The following AGAP1 variants were observed in gnomAD, a reference collection of about 807,000 sequenced individuals.
The protein encoded by AGAP1 is ArfGAP with GTPase domain, ankyrin repeat and PH domain 1, also known as arf-GAP with GTPase, ANK repeat and PH domain-containing protein 1.
AGAP1 carries 29 observed loss-of-function variants against 105.3 expected under a neutral mutation model. That is an observed-to-expected ratio of 0.28 (90% CI 0.21 to 0.38). AGAP1 has a LOEUF of 0.38. AGAP1 is among the 10% of genes least tolerant of loss of function. AGAP1 has a pLI of 1.00. For missense variants in AGAP1, 998 were observed against 1,165.1 expected, an observed-to-expected ratio of 0.86 and a Z score of 2.09; for synonymous variants, 509 against 485.9, an observed-to-expected ratio of 1.05 and a Z score of -0.63.
At position 236,087,959 on chromosome 2, in the gene AGAP1, C is replaced by T. The variant is rs961649245; in HGVS notation, c.2115-32233C>T. On this transcript the variant is annotated intron_variant, in intron 16 of 17. Transcript: ENST00000304032. The surrounding 1 kb of genome is among the most constrained non-coding windows in gnomAD (Gnocchi z 5.7). ...ACAGCCAGGGGAGGGACAGGGAGGACGAGAGACCTGCTTGGTATCCTTGGC... is the reference window on the plus strand; with the variant it reads ...ACAGCCAGGGGAGGGACAGGGAGGATGAGAGACCTGCTTGGTATCCTTGGC... Among the ~76,000 whole-genome samples the T allele has an allele frequency of 3.9e-5, 6 of 152,156 alleles. No homozygotes were observed. Among genetic ancestry groups the T allele is most frequent in the Non-Finnish European group, 7.3e-5 (5 of 68,030 alleles).
chr2:235,503,242 C>T (rs963532384), intron 1 of AGAP1, among the ~76,000 whole-genome samples: 3 of 152,162 alleles, frequency 2.0e-5, no homozygotes, highest in African/African-American at 7.2e-5. Context: ...CCTGTTTGTG[C>T]GTTGAGCTGC....
chr2:235,631,329 C>T lies in AGAP1; in HGVS notation c.164-77850C>T, dbSNP rs371776801. ...AGTTCAACTGAAAAGTCAAGCATGGCGCAAGGAAGGACGATGGATTAGCCA... is the reference window on the plus strand; with the variant it reads ...AGTTCAACTGAAAAGTCAAGCATGGTGCAAGGAAGGACGATGGATTAGCCA... On this transcript the variant is annotated intron_variant, in intron 1 of 17. Coordinates refer to ENST00000304032, the MANE Select transcript of AGAP1 (RefSeq NM_001037131.3). The surrounding 1 kb of genome is among the most constrained non-coding windows in gnomAD (Gnocchi z 5.4). Among the ~76,000 whole-genome samples, 5 of 152,232 alleles carry T rather than the reference C, an allele frequency of 3.3e-5. No homozygotes were observed. Among genetic ancestry groups the T allele is most frequent in the East Asian group, 1.9e-4 (1 of 5,146 alleles).
chr2:235,568,479 CA>C (rs1034782860), intron 1 of AGAP1, among the ~76,000 whole-genome samples: 1 of 152,210 alleles, frequency 6.6e-6, no homozygotes, highest in African/African-American at 2.4e-5. Context: ...TAGCACTTAG[CA>C]TGTGGCGGGC....
rs529501117 is a variant in AGAP1 at position 235,953,564 on chromosome 2, G to T, written c.1484-14898G>T. ...TTTGTTTGTTCTTTGTGCTGCAGTG[G>T]TCTTACTTGGCAACTCCCTGTCTTG... On this transcript the variant is annotated intron_variant, in intron 12 of 17. Coordinates refer to ENST00000304032, the MANE Select transcript of AGAP1 (RefSeq NM_001037131.3). The surrounding 1 kb of genome is among the most constrained non-coding windows in gnomAD (Gnocchi z 5.2). Among the ~76,000 whole-genome samples the T allele has an allele frequency of 9.2e-5, 14 of 152,236 alleles. No individual in the cohort carries two copies. The highest frequency in any genetic ancestry group is 3.4e-4 in the African/African-American group (14 of 41,536).
At chr2:235,541,349 C>T (rs1943426914) in intron 1 of AGAP1, among the ~76,000 whole-genome samples, 1 of 149,680 alleles carries the variant, frequency 6.7e-6, no homozygotes, top group Non-Finnish European at 1.5e-5. Context: ...AATCTTCTGT[C>T]CATTATTTCC....
At position 235,977,359 on chromosome 2, in the gene AGAP1, A is replaced by C. The variant is rs1464077017; in HGVS notation, c.1645+8736A>C. Among the ~76,000 whole-genome samples, 1 of 152,128 alleles carries C rather than the reference A, an allele frequency of 6.6e-6. No homozygotes were observed. The highest frequency in any genetic ancestry group is 1.5e-5 in the Non-Finnish European group (1 of 68,024). On this transcript the variant is annotated intron_variant, in intron 13 of 17. Coordinates refer to ENST00000304032, the MANE Select transcript of AGAP1 (RefSeq NM_001037131.3). The surrounding 1 kb of genome is among the most constrained non-coding windows in gnomAD (Gnocchi z 5.2). ...ACTTGGACCAAGGTCCTGAAGCCAG[A>C]AGAGGGGCTGGTTCTAGCGGCCAGT...
rs1947124390 is a variant in AGAP1 at position 235,639,633 on chromosome 2, C to T, written c.164-69546C>T. On this transcript the variant is annotated intron_variant, in intron 1 of 17. Transcript: ENST00000304032. The surrounding 1 kb of genome is among the most constrained non-coding windows in gnomAD (Gnocchi z 5.3). ...AGCTGCCTGCTGTGTTTCTGGTGCC[C>T]AAATGTTCTGGGCACACTGTTGTTT... Among the ~76,000 whole-genome samples the T allele has an allele frequency of 6.6e-6, 1 of 152,124 alleles. No homozygotes were observed. Among genetic ancestry groups the T allele is most frequent in the South Asian group, 2.1e-4 (1 of 4,824 alleles).
chr2:235,779,708 G>T (rs1956140803), intron 6 of AGAP1, among the ~76,000 whole-genome samples: 1 of 152,214 alleles, frequency 6.6e-6, no homozygotes, highest in African/African-American at 2.4e-5. Flanking sequence ...TACAGGCTTT[G>T]CAGACTGAAG....
intron 9 of AGAP1, among the ~76,000 whole-genome samples, chr2:235,876,110 T>C (rs954864751): frequency 2.0e-5 from 3 of 152,210 alleles, no homozygotes; most frequent in Non-Finnish European, 4.4e-5. Context: ...AATAGAGGTG[T>C]GCATTGCCTT....
In AGAP1 at chr2:235,670,947, C is replaced by A. The variant is rs1323132567; in HGVS notation, c.164-38232C>A. ...AGGGACGGGGGCCCGGGCGGCGGGC[C>A]CTCGCCACGGAGCGGAGCCTCGCGG... On this transcript the variant is annotated intron_variant, in intron 1 of 17. Coordinates refer to ENST00000304032, the MANE Select transcript of AGAP1 (RefSeq NM_001037131.3). 5 of 1,318,454 alleles carry A rather than the reference C, an allele frequency of 3.8e-6. No individual in the cohort carries two copies. In the African/African-American group the frequency reaches 7.7e-5, roughly 20 times the overall value. The allele number at this position is 1,318,454 out of a possible 1,614,324, so 81.7% of individuals were successfully genotyped here. A position where few individuals can be genotyped will look rare whatever the true frequency, so the allele number is the denominator to read the frequency against.
chr2:235,628,261 C>T (rs545545991), intron 1 of AGAP1, among the ~76,000 whole-genome samples: 4 of 152,292 alleles, frequency 2.6e-5, no homozygotes, highest in African/African-American at 9.6e-5. Flanking sequence ...GGCAACTCAG[C>T]GAGAGTCCCT....
chr2:235,698,045 C>T (rs1950075868), intron 1 of AGAP1, among the ~76,000 whole-genome samples: 1 of 151,972 alleles, frequency 6.6e-6, no homozygotes, highest in Non-Finnish European at 1.5e-5. Context: ...TTCCAGGGAC[C>T]CAGGGGTCGA....
In AGAP1 at chr2:236,035,893, TG is replaced by T. The variant is rs1307118353; in HGVS notation, c.1646-667del. 2.0e-5 allele frequency among the ~76,000 whole-genome samples: 3 copies of T among 152,126 alleles called. No homozygotes were observed. Among genetic ancestry groups the T allele is most frequent in the Non-Finnish European group, 4.4e-5 (3 of 68,014 alleles). ...TGAACCTCAGGGGAGTCCAGGAACT[TG>T]CCCAAAGACTTAGATGTGGCAGGTG... On this transcript the variant is annotated intron_variant, in intron 13 of 17. Transcript: ENST00000304032. This position sits in a 1 kb window ranked among gnomAD's most constrained non-coding sequence, Gnocchi z 4.2.
chr2:235,520,879 A>G (rs1942587556), intron 1 of AGAP1, among the ~76,000 whole-genome samples: 1 of 152,086 alleles, frequency 6.6e-6, no homozygotes, highest in South Asian at 2.1e-4. Context: ...GCTGTTATGG[A>G]TGCTCCAGTG....
intron 13 of AGAP1, among the ~76,000 whole-genome samples, chr2:235,991,092 A>G (rs1364659156): frequency 6.6e-6 from 1 of 152,208 alleles, no homozygotes; most frequent in Non-Finnish European, 1.5e-5. Context: ...ACTTGTTTGT[A>G]GTTAACATCA....
chr2:235,585,375 C>T (rs1278014679), intron 1 of AGAP1, among the ~76,000 whole-genome samples: 1 of 152,180 alleles, frequency 6.6e-6, no homozygotes, highest in Non-Finnish European at 1.5e-5. Flanking sequence ...ACCCTGACCT[C>T]CTGGAAGGAC....
rs892446152 is a variant in AGAP1 at position 235,601,427 on chromosome 2, T to C, written c.163+106578T>C. Among the ~76,000 whole-genome samples, 2 of 152,118 alleles carry C rather than the reference T, an allele frequency of 1.3e-5. No individual in the cohort carries two copies. The highest frequency in any genetic ancestry group is 4.8e-5 in the African/African-American group (2 of 41,426). On this transcript the variant is annotated intron_variant, in intron 1 of 17. Coordinates refer to ENST00000304032, the MANE Select transcript of AGAP1 (RefSeq NM_001037131.3). This position sits in a 1 kb window ranked among gnomAD's most constrained non-coding sequence, Gnocchi z 4.4. Reference sequence around the variant, plus strand: ...CTGGGTAATTTATAAAGGAAAGAAGTTTAACGGACTCACAGTTCTACATGG... The same window carrying C: ...CTGGGTAATTTATAAAGGAAAGAAGCTTAACGGACTCACAGTTCTACATGG...
chr2:236,108,622 A>G (rs1039845864), intron 16 of AGAP1, among the ~76,000 whole-genome samples: 1 of 152,182 alleles, frequency 6.6e-6, no homozygotes, highest in Middle Eastern at 3.4e-3. Context: ...TGGAAGAGAG[A>G]GGGGGTTCCA....
intron 10 of AGAP1, among the ~76,000 whole-genome samples, chr2:235,885,985 T>C (rs1028099098): frequency 5.3e-5 from 8 of 152,190 alleles, no homozygotes; most frequent in Non-Finnish European, 1.2e-4. Context: ...TAATACCCAT[T>C]CCATGACGCC....
Sources: allele counts gnomAD v4.1 joint callset (sites outside exome capture counted in the v4.1 genomes callset), GRCh38; gene constraint gnomAD v4.1.1; non-coding constraint Gnocchi (gnomAD v3.1); transcripts MANE v1.5; gene names NCBI Gene and HGNC (gene_info 2026-07-23, HGNC 2026-07-21).